Variants in PCDHGA11 observed in about 807,000 individuals in gnomAD.
PCDHGA11 encodes protocadherin gamma subfamily A, 11, also known as protocadherin gamma-A11.
PCDHGA11 carries 39 observed loss-of-function variants against 60.4 expected under a neutral mutation model. The ratio of observed to expected loss-of-function variants is 0.65; its 90% CI spans 0.50 to 0.84. PCDHGA11 has a LOEUF of 0.84. Ranked by LOEUF, PCDHGA11 falls within the 40% of genes least tolerant of loss-of-function variation. The pLI is 0.00. For synonymous variants in PCDHGA11, 533 were observed against 510.3 expected (o/e 1.04, Z -0.60); for missense variants, 1,165 against 1,197.7 (o/e 0.97, Z 0.40).
At position 141,489,586 on chromosome 5, in the gene PCDHGA11, C is replaced by T; in HGVS notation, c.2434-5221C>T. 1 of 1,614,082 alleles carries T rather than the reference C, an allele frequency of 6.2e-7. No individual in the cohort carries two copies. The highest frequency in any genetic ancestry group is 8.5e-7 in the Non-Finnish European group (1 of 1,179,988). On this transcript the variant is annotated intron_variant, in intron 1 of 3. Coordinates refer to ENST00000398587, the MANE Select transcript of PCDHGA11 (RefSeq NM_018914.3). This position sits in a 1 kb window ranked among gnomAD's most constrained non-coding sequence, Gnocchi z 4.5. ...GGTGGTGACTGAACACCCCCTGGAG[C>T]TAATCCGTGTAGAGGTAGAGATCCT...
rs531855306 is a variant in PCDHGA11 at position 141,422,110 on chromosome 5, T to C, written c.883T>C (p.Leu295=). 230 of 1,606,626 alleles carry C rather than the reference T, an allele frequency of 1.4e-4. 6 individuals carry two copies. The South Asian group carries it at 2.5e-3, about 17-fold the overall frequency. Residue 295 remains leucine, a synonymous_variant, in exon 1 of 4, where the codon TTG becomes CTG. Coordinates refer to ENST00000398587, the MANE Select transcript of PCDHGA11 (RefSeq NM_018914.3). ...MESKASEIFQ[L]DSQTGEVQVR... is the part of the protein sequence containing the mutation. The stretch of plus-strand genomic sequence containing the variant: ...AAGCAAGGCTTCTGAAATATTCCAA[T>C]TGGATTCACAAACTGGAGAAGTTCA...
intron 1 of PCDHGA11, among the ~76,000 whole-genome samples, chr5:141,459,532 TA>T (rs1031834752): frequency 6.6e-5 from 10 of 152,354 alleles, no homozygotes; most frequent in East Asian, 3.9e-4. Context: ...TTTGTAGGCA[TA>T]TTTTTTTTAT....
chr5:141,450,015 T>A (rs911475310), intron 1 of PCDHGA11, among the ~76,000 whole-genome samples: 12 of 149,806 alleles, frequency 8.0e-5, no homozygotes, highest in Non-Finnish European at 1.6e-4. Flanking sequence ...TCTTTTTTTT[T>A]TTTTTTTTTG....
intron 1 of PCDHGA11, among the ~76,000 whole-genome samples, chr5:141,462,819 A>G (rs1182498111): frequency 6.6e-6 from 1 of 152,210 alleles, no homozygotes; most frequent in East Asian, 1.9e-4. Context: ...TTTATTGGAC[A>G]GCAGACATTG....
At chr5:141,465,887 C>A (rs1267304672) in intron 1 of PCDHGA11, among the ~76,000 whole-genome samples, 1 of 152,040 alleles carries the variant, frequency 6.6e-6, no homozygotes, top group Non-Finnish European at 1.5e-5. Flanking sequence ...CTTTGGGAGG[C>A]CGAGGCGGGC....
chr5:141,488,210 A>G (rs2099673009), intron 1 of PCDHGA11, among the ~76,000 whole-genome samples: 1 of 152,192 alleles, frequency 6.6e-6, no homozygotes, highest in Admixed American at 6.5e-5. Context: ...ACTCATATCA[A>G]GTCCCTACTG....
In PCDHGA11 at chr5:141,431,570, G is replaced by A. The variant is rs754760314; in HGVS notation, c.2433+7910G>A. 7 of 1,614,172 alleles carry A rather than the reference G, an allele frequency of 4.3e-6. No individual in the cohort carries two copies. Among genetic ancestry groups the A allele is most frequent in the Non-Finnish European group, 5.9e-6 (7 of 1,180,024 alleles). ...TGTAGTCAACGCTACCGACCCTGAC[G>A]AAGGAGTCAATGCGGAAGTGAGGTA... On this transcript the variant is annotated intron_variant, in intron 1 of 3. Transcript: ENST00000398587. The surrounding 1 kb of genome is among the most constrained non-coding windows in gnomAD (Gnocchi z 4.8).
chr5:141,442,720 T>C (rs941034636), intron 1 of PCDHGA11, among the ~76,000 whole-genome samples: 1 of 152,202 alleles, frequency 6.6e-6, no homozygotes, highest in Non-Finnish European at 1.5e-5. Flanking sequence ...GCCAGAGCAT[T>C]TGGGGCCTGT....
chr5:141,505,614 A>G (rs2154593732), intron 3 of PCDHGA11, 133 bp downstream of exon 3: 1 of 1,510,758 alleles, frequency 6.6e-7, no homozygotes, highest in Non-Finnish European at 8.9e-7. Context: ...GTCTGAAAGG[A>G]CCCACAATTC....
Position 141,489,252 on chromosome 5 carries a change from G to A in PCDHGA11, c.2434-5555G>A. 2 of 1,547,622 alleles carry A rather than the reference G, an allele frequency of 1.3e-6. No individual in the cohort carries two copies. Among genetic ancestry groups the A allele is most frequent in the Non-Finnish European group, 1.7e-6 (2 of 1,147,198 alleles). On this transcript the variant is annotated intron_variant, in intron 1 of 3. Coordinates refer to ENST00000398587, the MANE Select transcript of PCDHGA11 (RefSeq NM_018914.3). The surrounding 1 kb of genome is among the most constrained non-coding windows in gnomAD (Gnocchi z 4.5). ...GGGACTTCTGGGTCATGGGGCCCAAGACACTCCCACAGCTCGCTGGGAAAT... is the reference window on the plus strand; with the variant it reads ...GGGACTTCTGGGTCATGGGGCCCAAAACACTCCCACAGCTCGCTGGGAAAT...
At position 141,432,727 on chromosome 5, in the gene PCDHGA11, C is replaced by T; in HGVS notation, c.2433+9067C>T. 6.2e-7 allele frequency: 1 copy of T among 1,614,090 alleles called. No individual in the cohort carries two copies. Among genetic ancestry groups the T allele is most frequent in the Non-Finnish European group, 8.5e-7 (1 of 1,179,996 alleles). ...ACCACGGCCAGCCCCCTCTCTCCGC[C>T]ACTGTCACGCTCACCGTGGCCGTGG... On this transcript the variant is annotated intron_variant, in intron 1 of 3. Transcript: ENST00000398587. The surrounding 1 kb of genome is among the most constrained non-coding windows in gnomAD (Gnocchi z 6.0).
Position 141,432,484 on chromosome 5 carries a change from G to A in PCDHGA11, c.2433+8824G>A, listed in dbSNP as rs1164877592. On this transcript the variant is annotated intron_variant, in intron 1 of 3. Transcript: ENST00000398587. The surrounding 1 kb of genome is among the most constrained non-coding windows in gnomAD (Gnocchi z 6.0). ...TCCCCACGGACGGTTCCACTGGCGTGGAGCTGGCTCCCCGCTCCGCAGAGC... is the reference window on the plus strand; with the variant it reads ...TCCCCACGGACGGTTCCACTGGCGTAGAGCTGGCTCCCCGCTCCGCAGAGC... 8.7e-6 allele frequency: 14 copies of A among 1,614,196 alleles called. No individual in the cohort carries two copies. Among genetic ancestry groups the A allele is most frequent in the Non-Finnish European group, 1.2e-5 (14 of 1,180,046 alleles).
rs374200575 is a variant in PCDHGA11, at chr5:141,432,105, C to T, written c.2433+8445C>T. On this transcript the variant is annotated intron_variant, in intron 1 of 3. Transcript: ENST00000398587. The surrounding 1 kb of genome is among the most constrained non-coding windows in gnomAD (Gnocchi z 6.0). ...AACGTGGCAGACACCAACGACAACC[C>T]GCCGGTCTTCCCTCAGGCCTCCTAT... 1.9e-6 allele frequency: 3 copies of T among 1,614,172 alleles called. No homozygotes were observed. Among genetic ancestry groups the T allele is most frequent in the Admixed American group, 3.3e-5 (2 of 60,032 alleles).
intron 1 of PCDHGA11, among the ~76,000 whole-genome samples, chr5:141,436,410 G>T (rs2154557099): frequency 6.6e-6 from 1 of 152,200 alleles, no homozygotes; most frequent in East Asian, 1.9e-4. Flanking sequence ...TTGAATGAAT[G>T]GATAAACAAA....
Position 141,485,298 on chromosome 5 carries a change from G to A in PCDHGA11, c.2434-9509G>A, listed in dbSNP as rs1562104502. 1 of 1,613,978 alleles carries A rather than the reference G, an allele frequency of 6.2e-7. No individual in the cohort carries two copies. On this transcript the variant is annotated intron_variant, in intron 1 of 3. Coordinates refer to ENST00000398587, the MANE Select transcript of PCDHGA11 (RefSeq NM_018914.3). This position sits in a 1 kb window ranked among gnomAD's most constrained non-coding sequence, Gnocchi z 5.7. ...CCGGTCCCAGAGGAGTCACAGGAAG[G>A]GACTTTTGTAGGGAATGTCGCTCAA...
rs745802952 is a variant in PCDHGA11 at position 141,423,563 on chromosome 5, C to G, written c.2336C>G (p.Thr779Arg). Reference protein sequence around the residue: ...LIFPQPNYGDTLISQESCEKS... With the variant: ...LIFPQPNYGDRLISQESCEKS... ...TTCCCCCAGCCCAACTATGGGGACA[C>G]GCTCATCAGCCAGGAGAGCTGTGAG... is the stretch of plus-strand genomic sequence containing the variant. The change falls in exon 1 of 4, where the codon ACG (threonine) becomes AGG (arginine). Residue 779 changes from threonine to arginine, a missense_variant. Thr to Arg is a moderately conservative substitution (Grantham distance 71). Coordinates refer to ENST00000398587, the MANE Select transcript of PCDHGA11 (RefSeq NM_018914.3). 1.9e-6 allele frequency: 3 copies of G among 1,613,550 alleles called. No homozygotes were observed. The highest frequency in any genetic ancestry group is 1.7e-5 in the Admixed American group (1 of 60,016).
rs1227487225 is a variant in PCDHGA11, at chr5:141,491,275, G to C, written c.2434-3532G>C. The C allele has an allele frequency of 2.5e-6, 4 of 1,614,082 alleles. 1 individual carries two copies. In the South Asian group the frequency reaches 4.4e-5, roughly 18 times the overall value. On this transcript the variant is annotated intron_variant, in intron 1 of 3. Transcript: ENST00000398587. This position sits in a 1 kb window ranked among gnomAD's most constrained non-coding sequence, Gnocchi z 6.9. Reference sequence around the variant, plus strand: ...CCCTGAGGAAATGCCCAAATCCAGTGACTTCCTCATACACCCTCCTGAGCG... The same window carrying C: ...CCCTGAGGAAATGCCCAAATCCAGTCACTTCCTCATACACCCTCCTGAGCG...
chr5:141,476,803 T>G lies in PCDHGA11; in HGVS notation c.2434-18004T>G, dbSNP rs756358461. 3 of 1,613,688 alleles carry G rather than the reference T, an allele frequency of 1.9e-6. No individual in the cohort carries two copies. The highest frequency in any genetic ancestry group is 2.2e-5 in the South Asian group (2 of 91,092). ...CCCCAGCTCTCTCCGCCAGCCTGCCTATTCACATCAAGGTGCTGGACGCGA... is the reference window on the plus strand; with the variant it reads ...CCCCAGCTCTCTCCGCCAGCCTGCCGATTCACATCAAGGTGCTGGACGCGA... On this transcript the variant is annotated intron_variant, in intron 1 of 3. Transcript: ENST00000398587. The surrounding 1 kb of genome is among the most constrained non-coding windows in gnomAD (Gnocchi z 7.6).
Position 141,475,971 on chromosome 5 carries a change from C to G in PCDHGA11, c.2434-18836C>G, listed in dbSNP as rs750016455. On this transcript the variant is annotated intron_variant, in intron 1 of 3. Coordinates refer to ENST00000398587, the MANE Select transcript of PCDHGA11 (RefSeq NM_018914.3). The stretch of plus-strand genomic sequence containing the variant: ...TCTGCGCCCCGGGATGAGGCAGAGA[C>G]TGAACAGCCGGCGAGCAAATCAACG... 2.5e-5 allele frequency: 24 copies of G among 954,292 alleles called. No individual in the cohort carries two copies. In the African/African-American group the frequency reaches 3.4e-4, roughly 14 times the overall value. 59.1% of individuals were successfully genotyped at this position (954,292 alleles called of 1,614,324 possible). A position where few individuals can be genotyped will look rare whatever the true frequency, so the allele number is the denominator to read the frequency against.
Sources: gnomAD v4.1 joint callset for allele counts (sites outside exome capture counted in the v4.1 genomes callset) on GRCh38, gnomAD v4.1.1 for gene constraint, Gnocchi (gnomAD v3.1) non-coding constraint, MANE v1.5 for transcripts, NCBI Gene and HGNC (gene_info 2026-07-23, HGNC 2026-07-21) for gene names.